COL28A1: variants seen among roughly 807,000 people sequenced by gnomAD.
The protein encoded by COL28A1 is collagen alpha-1(XXVIII) chain.
In COL28A1, 161 loss-of-function variants were observed where a neutral mutation model predicts 150.2. The observed-to-expected ratio is 1.07, with a 90% CI of 0.94 to 1.22. The LOEUF (loss-of-function observed/expected upper bound fraction) is 1.22, where lower values mean the gene tolerates loss of function less well. Ranked by LOEUF, COL28A1 falls within the 50% of genes most tolerant of loss-of-function variation. The pLI is 0.00. For missense variants in COL28A1, 1,617 were observed against 1,388.3 expected (o/e 1.16, Z -2.62); for synonymous variants, 552 against 469.7 (o/e 1.18, Z -2.26).
chr7:7,366,458 T>G (rs1245811797), intron 33 of COL28A1, among the ~76,000 whole-genome samples: 2 of 152,192 alleles, frequency 1.3e-5, no homozygotes, highest in Admixed American at 6.5e-5. Context: ...AGGAATATGT[T>G]TATTATTTTT....
intron 23 of COL28A1, among the ~76,000 whole-genome samples, chr7:7,433,467 C>T (rs1056201006): frequency 6.6e-6 from 1 of 151,946 alleles, no homozygotes; most frequent in South Asian, 2.1e-4. Context: ...AACCCCGTCT[C>T]TACTAAAAAT....
downstream of COL28A1, chr7:7,357,661 G>GAAA (rs144579450): frequency 0.011 from 1,549 of 145,422 alleles, 29 homozygotes; most frequent in African/African-American, 0.032. Context: ...TCTGTCTGGG[G>GAAA]GAAAAAAAAA....
At chr7:7,374,094 A>C (rs1452852343) in intron 31 of COL28A1, among the ~76,000 whole-genome samples, 1 of 148,964 alleles carries the variant, frequency 6.7e-6, no homozygotes, top group African/African-American at 2.5e-5. Flanking sequence ...TAAAATAATA[A>C]ATACTTATGT....
At chr7:7,390,971 A>T (rs1158652122) in intron 27 of COL28A1, among the ~76,000 whole-genome samples, 1 of 151,974 alleles carries the variant, frequency 6.6e-6, no homozygotes, top group Non-Finnish European at 1.5e-5. Context: ...TTGTGTCTTT[A>T]TCTCCTTCAG....
chr7:7,508,859 A>G (rs1218765223), intron 9 of COL28A1, among the ~76,000 whole-genome samples: 1 of 151,600 alleles, frequency 6.6e-6, no homozygotes, highest in African/African-American at 2.4e-5. Context: ...TTTGAGATGG[A>G]GTCTTACTCT....
At chr7:7,341,192 G>T in the COL28A1 span, among the ~76,000 whole-genome samples, 3 of 152,066 alleles carry the variant, frequency 2.0e-5, no homozygotes, top group African/African-American at 7.2e-5. Context: ...GTAGAAGGAG[G>T]ATATAATTAT....
chr7:7,444,125 G>C (rs996135298), intron 19 of COL28A1, among the ~76,000 whole-genome samples: 3 of 151,778 alleles, frequency 2.0e-5, no homozygotes, highest in African/African-American at 4.8e-5. Flanking sequence ...GGGAGGCGGG[G>C]GGAGTGGCTT....
intron 25 of COL28A1, among the ~76,000 whole-genome samples, chr7:7,427,360 G>T (rs747885270): frequency 6.6e-6 from 1 of 152,166 alleles, no homozygotes; most frequent in Non-Finnish European, 1.5e-5. Context: ...TCATATTATA[G>T]GGAGGTGGCT....
intron 27 of COL28A1, among the ~76,000 whole-genome samples, chr7:7,396,520 G>A (rs2128296691): frequency 6.6e-6 from 1 of 152,126 alleles, no homozygotes; most frequent in East Asian, 1.9e-4. Context: ...CTTTTCCTTT[G>A]TGCAATTCAA....
intron 27 of COL28A1, among the ~76,000 whole-genome samples, chr7:7,387,965 A>G (rs1055458877): frequency 6.6e-5 from 10 of 152,258 alleles, no homozygotes; most frequent in African/African-American, 2.4e-4. Flanking sequence ...GGAGGCTTCT[A>G]CTGTTACCAG....
chr7:7,383,250 TTGTGTGTGTGTGTG>T (rs368714766), intron 27 of COL28A1, among the ~76,000 whole-genome samples: 15 of 107,142 alleles, frequency 1.4e-4, no homozygotes, highest in Non-Finnish European at 2.6e-4. Context: ...CTTTTTTTTG[TTGTGTGTGTGTGTG>T]TGTGTGTGTG....
intron 13 of COL28A1, among the ~76,000 whole-genome samples, chr7:7,480,820 G>A (rs1015786762): frequency 1.3e-5 from 2 of 152,150 alleles, no homozygotes; most frequent in African/African-American, 4.8e-5. Flanking sequence ...GGTGTCATTT[G>A]TACTGAGGTT....
In COL28A1 at chr7:7,400,670, A is replaced by C. The variant is rs574713753; in HGVS notation, c.2136+17189T>G. ...TTGTTTCCAGCAGCATACAACATAT[A>C]ATAATATCTCCCAGCTTAAAAAAAA... On this transcript the variant is annotated intron_variant, in intron 27 of 34. Coordinates refer to ENST00000399429, the MANE Select transcript of COL28A1 (RefSeq NM_001037763.3). Among the ~76,000 whole-genome samples the C allele has an allele frequency of 9.1e-4, 130 of 142,624 alleles. 1 individual carries two copies. The highest frequency in any genetic ancestry group is 3.6e-3 in the African/African-American group (119 of 32,664). 93.6% of individuals were successfully genotyped at this position (142,624 alleles called of 152,430 possible).
At chr7:7,530,234 T>A (rs1052900752) in intron 3 of COL28A1, among the ~76,000 whole-genome samples, 8 of 152,134 alleles carry the variant, frequency 5.3e-5, no homozygotes, top group African/African-American at 1.9e-4. Flanking sequence ...TGGCAAACAT[T>A]GAATAAAATA....
rs373517937 is a variant in COL28A1 at position 7,443,696 on chromosome 7, A to G, written c.1582-43T>C. The G allele has an allele frequency of 3.7e-6, 6 of 1,611,870 alleles. No individual in the cohort carries two copies. The South Asian group carries it at 4.4e-5, about 12-fold the overall frequency. On this transcript the variant is annotated intron_variant, in intron 19 of 34. Transcript: ENST00000399429. ...GATGTGTTAGCTGACCCTCCAGTAGACAGACTGTACGTATCATCCCACCTT... is the reference window on the plus strand; with the variant it reads ...GATGTGTTAGCTGACCCTCCAGTAGGCAGACTGTACGTATCATCCCACCTT...
chr7:7,452,126 AGAG>A (rs1334290000), intron 18 of COL28A1, among the ~76,000 whole-genome samples, 190 bp downstream of exon 18: 3 of 152,246 alleles, frequency 2.0e-5, no homozygotes, highest in Non-Finnish European at 2.9e-5. Context: ...GCACTGTCCA[AGAG>A]GAAAATAAAG....
intron 8 of COL28A1, chr7:7,511,670 T>C (rs1486001402): frequency 4.3e-6 from 2 of 461,758 alleles, no homozygotes; most frequent in Non-Finnish European, 9.0e-6. Context: ...CCTAGTAGTG[T>C]TCACCTGGAG....
At chr7:7,352,458 G>T (rs570568934), downstream of COL28A1, among the ~76,000 whole-genome samples, 2 of 152,268 alleles carry the variant, frequency 1.3e-5, no homozygotes, top group South Asian at 4.1e-4. Context: ...GATTATTCTG[G>T]ATTATTCAGG....
chr7:7,362,559 T>C (rs1428091577), intron 33 of COL28A1, among the ~76,000 whole-genome samples: 1 of 152,180 alleles, frequency 6.6e-6, no homozygotes, highest in African/African-American at 2.4e-5. Context: ...CTATTACTCA[T>C]GTATGCGTAT....
Sources: gnomAD v4.1 joint callset for allele counts (sites outside exome capture counted in the v4.1 genomes callset) on GRCh38, gnomAD v4.1.1 for gene constraint, MANE v1.5 for transcripts, NCBI Gene and HGNC (gene_info 2026-07-23, HGNC 2026-07-21) for gene names.